The following LRFN2 variants were observed in gnomAD, a reference collection of about 807,000 sequenced individuals.
The protein encoded by LRFN2 is leucine rich repeat and fibronectin type III domain containing 2, also known as leucine-rich repeat and fibronectin type-III domain-containing protein 2.
In LRFN2, 18 loss-of-function variants were observed where a neutral mutation model predicts 37.3. That is an observed-to-expected ratio of 0.48 (90% CI 0.33 to 0.72). The LOEUF (loss-of-function observed/expected upper bound fraction) is 0.72, where lower values mean the gene tolerates loss of function less well. Among genes scored for constraint, LRFN2 ranks in the 30% least tolerant of loss-of-function variants. The pLI, the probability that LRFN2 is intolerant of heterozygous loss-of-function variation, is 0.02. For synonymous variants in LRFN2, 556 were observed against 466.6 expected (o/e 1.19, Z -2.47); for missense variants, 1,006 against 1,060.7 (o/e 0.95, Z 0.72).
intron 2 of LRFN2, among the ~76,000 whole-genome samples, chr6:40,393,139 G>A (rs1762549542): frequency 6.6e-6 from 1 of 151,292 alleles, no homozygotes; most frequent in South Asian, 2.1e-4. Flanking sequence ...GAGGGGAGGA[G>A]GGAGGGGCAG....
intron 1 of LRFN2, among the ~76,000 whole-genome samples, chr6:40,497,009 T>A (rs1024425926): frequency 6.6e-6 from 1 of 152,082 alleles, no homozygotes; most frequent in African/African-American, 2.4e-5. Context: ...GGTGACTGGA[T>A]GTAATAGAGC....
At chr6:40,500,170 C>A (rs1281860915) in intron 1 of LRFN2, among the ~76,000 whole-genome samples, 1 of 151,914 alleles carries the variant, frequency 6.6e-6, no homozygotes, top group Non-Finnish European at 1.5e-5. Flanking sequence ...CACAGGTTCT[C>A]CCCGGAGACC....
chr6:40,482,843 C>A (rs1474111692), intron 1 of LRFN2, among the ~76,000 whole-genome samples: 1 of 152,196 alleles, frequency 6.6e-6, no homozygotes, highest in African/African-American at 2.4e-5. Context: ...AGAGTACAGG[C>A]AGATAAGTGA....
chr6:40,451,484 G>A lies in LRFN2; in HGVS notation c.-18-18353C>T, dbSNP rs905454048. ...GCAAGAGATAAACAGGGGAAGGGAC[G>A]AGACAAGCTCTTCCCCTGGGGGAAG... On this transcript the variant is annotated intron_variant, in intron 1 of 2. Transcript: ENST00000338305. 3.3e-5 allele frequency among the ~76,000 whole-genome samples: 5 copies of A among 152,202 alleles called. No individual in the cohort carries two copies. In the South Asian group the frequency reaches 1.0e-3, roughly 32 times the overall value.
chr6:40,392,999 G>T lies in LRFN2; in HGVS notation c.1401-87C>A. 1.2e-6 allele frequency: 1 copy of T among 861,738 alleles called. No homozygotes were observed. The allele number at this position is 861,738 out of a possible 1,614,324, so 53.4% of individuals were successfully genotyped here. A position where few individuals can be genotyped will look rare whatever the true frequency, so the allele number is the denominator to read the frequency against. On this transcript the variant is annotated intron_variant, in intron 2 of 2. Coordinates refer to ENST00000338305, the MANE Select transcript of LRFN2 (RefSeq NM_020737.3). The surrounding 1 kb of genome is among the most constrained non-coding windows in gnomAD (Gnocchi z 4.7). ...GAGTGGACAGAGGTAGAAACAGAGT[G>T]ACAGAGATGGGGAGGGGGAGGGGAG...
chr6:40,428,614 G>A (rs1011745388), intron 2 of LRFN2, among the ~76,000 whole-genome samples: 4 of 152,196 alleles, frequency 2.6e-5, no homozygotes, highest in Non-Finnish European at 2.9e-5. Flanking sequence ...GCCAGAGGCC[G>A]GAGTTCAAAT....
At chr6:40,413,232 T>C (rs1763012074) in intron 2 of LRFN2, among the ~76,000 whole-genome samples, 1 of 152,246 alleles carries the variant, frequency 6.6e-6, no homozygotes, top group South Asian at 2.1e-4. Flanking sequence ...TATGACCTCT[T>C]ATTCTCCACT....
At chr6:40,583,672 C>T (rs554289721) in intron 1 of LRFN2, among the ~76,000 whole-genome samples, 7 of 152,184 alleles carry the variant, frequency 4.6e-5, no homozygotes, top group Non-Finnish European at 1.0e-4. Flanking sequence ...CATTAGCATC[C>T]TGTCTCATCA....
intron 1 of LRFN2, among the ~76,000 whole-genome samples, chr6:40,560,200 G>A (rs1295308842): frequency 6.6e-6 from 1 of 152,202 alleles, no homozygotes; most frequent in Admixed American, 6.5e-5. Flanking sequence ...TAGTCCAGGA[G>A]GCGCTCTGAC....
At chr6:40,414,673 C>G (rs1025493885) in intron 2 of LRFN2, among the ~76,000 whole-genome samples, 2 of 152,124 alleles carry the variant, frequency 1.3e-5, no homozygotes, top group Admixed American at 6.5e-5. Context: ...AAATCGGACA[C>G]GCAAAATTTG....
intron 1 of LRFN2, among the ~76,000 whole-genome samples, chr6:40,474,059 GT>G (rs1764661174): frequency 6.6e-6 from 1 of 150,608 alleles, no homozygotes; most frequent in African/African-American, 2.4e-5. Flanking sequence ...TTTTTTAGAT[GT>G]GGGGCTTTCA....
At chr6:40,520,019 T>C (rs1766007723) in intron 1 of LRFN2, among the ~76,000 whole-genome samples, 1 of 152,032 alleles carries the variant, frequency 6.6e-6, no homozygotes, top group Non-Finnish European at 1.5e-5. Context: ...ATGTGGCATA[T>C]ATGGATATAA....
chr6:40,453,398 C>T (rs1032318019), intron 1 of LRFN2, among the ~76,000 whole-genome samples: 5 of 151,748 alleles, frequency 3.3e-5, no homozygotes, highest in Admixed American at 2.0e-4. Flanking sequence ...TCCTAAGCAT[C>T]CATGTAACAA....
intron 1 of LRFN2, among the ~76,000 whole-genome samples, chr6:40,574,338 G>A (rs1423232276): frequency 2.0e-5 from 3 of 152,134 alleles, no homozygotes; most frequent in Admixed American, 6.5e-5. Context: ...CTTGCATGAG[G>A]GTACACAGCT....
chr6:40,453,080 C>T (rs1183600507), intron 1 of LRFN2, among the ~76,000 whole-genome samples: 3 of 152,222 alleles, frequency 2.0e-5, no homozygotes, highest in South Asian at 4.2e-4. Context: ...TCTATGGCAC[C>T]CTGCTTCAGG....
chr6:40,452,025 C>G (rs1293427927), intron 1 of LRFN2, among the ~76,000 whole-genome samples: 4 of 152,076 alleles, frequency 2.6e-5, no homozygotes, highest in African/African-American at 9.7e-5. Context: ...TTTATGGATA[C>G]CTCAGGTCAC....
intron 2 of LRFN2, among the ~76,000 whole-genome samples, chr6:40,395,452 C>T (rs1015642348): frequency 6.6e-6 from 1 of 152,232 alleles, no homozygotes; most frequent in Non-Finnish European, 1.5e-5. Context: ...TCACGCTCCT[C>T]TACTGACAGG....
chr6:40,586,114 C>G (rs1767498571), intron 1 of LRFN2, among the ~76,000 whole-genome samples: 1 of 152,210 alleles, frequency 6.6e-6, no homozygotes, highest in Non-Finnish European at 1.5e-5. Context: ...CTCTCTGTCT[C>G]TGTCCTTTGT....
intron 1 of LRFN2, among the ~76,000 whole-genome samples, chr6:40,511,370 G>A (rs1765704936): frequency 6.6e-6 from 1 of 152,160 alleles, no homozygotes; most frequent in African/African-American, 2.4e-5. Flanking sequence ...GTTAAACTTG[G>A]ACAGGTCATT....
Sources: gnomAD v4.1 joint callset for allele counts (sites outside exome capture counted in the v4.1 genomes callset) on GRCh38, gnomAD v4.1.1 for gene constraint, Gnocchi (gnomAD v3.1) non-coding constraint, MANE v1.5 for transcripts, NCBI Gene and HGNC (gene_info 2026-07-23, HGNC 2026-07-21) for gene names.